The following ASPM variants were observed in gnomAD, a reference collection of about 807,000 sequenced individuals.
ASPM encodes abnormal spindle-like microcephaly-associated protein.
A neutral mutation model predicts 366.4 loss-of-function variants in ASPM; 256 were observed. The ratio of observed to expected loss-of-function variants is 0.70; its 90% CI spans 0.63 to 0.77. ASPM has a LOEUF of 0.77. Ranked by LOEUF, ASPM falls within the 30% of genes least tolerant of loss-of-function variation. The probability of loss-of-function intolerance (pLI) is 0.00; values close to 1 mark genes in which losing one functional copy is unlikely to be tolerated. For missense variants in ASPM, 4,146 were observed against 4,090.4 expected (o/e 1.01, Z -0.37); for synonymous variants, 1,414 against 1,342.9 (o/e 1.05, Z -1.16).
chr1:197,104,610 A>T lies in ASPM; in HGVS notation c.4641T>A (p.Ala1547=). 1 of 1,612,984 alleles carries T rather than the reference A, an allele frequency of 6.2e-7. No homozygotes were observed. Among genetic ancestry groups the T allele is most frequent in the Non-Finnish European group, 8.5e-7 (1 of 1,179,404 alleles). The change falls in exon 18 of 28, where the codon GCT becomes GCA. Residue 1547 remains alanine, a synonymous_variant. Transcript: ENST00000367409. ...AATTATGAGCTTTCAGTCTCCTAAA[A>T]GCAGCTTGTAATTGAATGGCTGCAG... The part of the protein sequence containing the change: ...KRAAAIQLQA[A]FRRLKAHNLC...
intron 17 of ASPM, among the ~76,000 whole-genome samples, chr1:197,113,272 C>G (rs1023733753): frequency 2.0e-5 from 3 of 152,224 alleles, no homozygotes; most frequent in Non-Finnish European, 4.4e-5. Flanking sequence ...TGCTCAATAC[C>G]TGGGTGACAG....
In ASPM at chr1:197,142,758, A is replaced by G; in HGVS notation, c.1494T>C (p.Thr498=). Residue 498 remains threonine, a synonymous_variant, in exon 3 of 28, where the codon ACT becomes ACC. Transcript: ENST00000367409. ...KRRPILSATV[T]KRKATCTREN... is the part of the protein sequence containing the mutation. ...CTCTGGTACAGGTGGCCTTCCTTTTAGTAACAGTGGCAGAAAGTATTGGAC... is the reference window on the plus strand; with the variant it reads ...CTCTGGTACAGGTGGCCTTCCTTTTGGTAACAGTGGCAGAAAGTATTGGAC... 1 of 1,613,864 alleles carries G rather than the reference A, an allele frequency of 6.2e-7. No individual in the cohort carries two copies. Among genetic ancestry groups the G allele is most frequent in the Non-Finnish European group, 8.5e-7 (1 of 1,179,796 alleles).
intron 7 of ASPM, among the ~76,000 whole-genome samples, chr1:197,130,558 A>C (rs1658226218): frequency 6.6e-6 from 1 of 152,214 alleles, no homozygotes; most frequent in Admixed American, 6.5e-5. Flanking sequence ...GCTTATTAAT[A>C]ATTTTTAAAG....
At chr1:197,124,770 A>G in intron 12 of ASPM, 100 bp downstream of exon 12, 1 of 961,460 alleles carries the variant, frequency 1.0e-6, no homozygotes, top group South Asian at 1.3e-5. Context: ...ACCTTATTAA[A>G]TGATGGTTGT....
At position 197,103,065 on chromosome 1, in the gene ASPM, T is replaced by G. The variant is rs1468856882; in HGVS notation, c.6186A>C (p.Lys2062Asn). Residue 2062 changes from lysine to asparagine, a missense_variant, in exon 18 of 28, where the codon AAA becomes AAC. This residue lies in a region of ASPM where 3,624 missense variants were observed against 3,591.7 expected (regional missense o/e 1.01). Transcript: ENST00000367409. ...TAGCTGAAGCTCTATAGGTTGCATA[T>G]TTCTTTTTGGTTTTGTAAGCTCTGT... ...SKYRAYKTKKKYATYRASAII... is the reference protein window; with the variant it reads ...SKYRAYKTKKNYATYRASAII... 6.2e-7 allele frequency: 1 copy of G among 1,612,546 alleles called. No homozygotes were observed. The highest frequency in any genetic ancestry group is 1.3e-5 in the African/African-American group (1 of 74,846).
At chr1:197,124,749 G>A (rs1234170910) in intron 12 of ASPM, 121 bp downstream of exon 12, 2 of 772,092 alleles carry the variant, frequency 2.6e-6, no homozygotes, top group East Asian at 2.6e-5. Context: ...ACAGTTACTG[G>A]GGCAAAATAA....
chr1:197,085,250 G>A (rs1013557619), intron 27 of ASPM, among the ~76,000 whole-genome samples: 1 of 151,886 alleles, frequency 6.6e-6, no homozygotes, highest in African/African-American at 2.4e-5. Context: ...TTTATTTTTT[G>A]CCAATAATTA....
intron 19 of ASPM, among the ~76,000 whole-genome samples, chr1:197,095,151 C>G (rs973747620): frequency 6.6e-6 from 1 of 151,700 alleles, no homozygotes; most frequent in Non-Finnish European, 1.5e-5. Flanking sequence ...TTATTGTTAA[C>G]TATAGTTGCC....
chr1:197,129,102 T>G (rs1658180646), intron 9 of ASPM, 85 bp downstream of exon 9: 1 of 1,491,330 alleles, frequency 6.7e-7, no homozygotes. Context: ...ACTAATTTTT[T>G]TTCTAAAGAG....
At position 197,139,829 on chromosome 1, in the gene ASPM, C is replaced by A; in HGVS notation, c.1964G>T (p.Arg655Met). 1 of 1,612,142 alleles carries A rather than the reference C, an allele frequency of 6.2e-7. No individual in the cohort carries two copies. Among genetic ancestry groups the A allele is most frequent in the Non-Finnish European group, 8.5e-7 (1 of 1,178,412 alleles). ...TGCCACAGCGATAATGGGTTTTGTC[C>A]TTTTGTTTGTTTTAGAAATTGGAGT... Reference protein sequence around the residue: ...FRTPISKTNKRTKPIIAVAQS... With the variant: ...FRTPISKTNKMTKPIIAVAQS... Residue 655 changes from arginine to methionine, a missense_variant, in exon 4 of 28, where the codon AGG becomes ATG. Transcript: ENST00000367409.
Position 197,100,534 on chromosome 1 carries a change from T to G in ASPM, c.8717A>C (p.Tyr2906Ser). The G allele has an allele frequency of 6.2e-7, 1 of 1,611,460 alleles. No individual in the cohort carries two copies. The highest frequency in any genetic ancestry group is 8.5e-7 in the Non-Finnish European group (1 of 1,178,418). Reference sequence around the variant, plus strand: ...GATAACACTGCTTCTGATCTGTAAATAGACTTGTCTTTGATGTTTTGCAGA... The same window carrying G: ...GATAACACTGCTTCTGATCTGTAAAGAGACTTGTCTTTGATGTTTTGCAGA... ...FLSAKHQRQV[Y>S]LQIRSSVIII... Residue 2906 changes from tyrosine to serine, a missense_variant, in exon 18 of 28, where the codon TAT (tyrosine) becomes TCT (serine). Physicochemically the swap from Tyr to Ser is moderately radical, Grantham distance 144 (BLOSUM62 -2). Coordinates refer to ENST00000367409, the MANE Select transcript of ASPM (RefSeq NM_018136.5).
intron 5 of ASPM, 57 bp downstream of exon 5, chr1:197,135,039 T>C (rs1363291955): frequency 5.9e-5 from 76 of 1,291,086 alleles, no homozygotes; most frequent in Non-Finnish European, 7.8e-5. Flanking sequence ...CAAACGATGT[T>C]AAAAATCTTT....
intron 3 of ASPM, among the ~76,000 whole-genome samples, chr1:197,141,819 C>A (rs867774818): frequency 8.6e-4 from 131 of 152,260 alleles, no homozygotes; most frequent in African/African-American, 2.9e-3. Context: ...ATAAATATAT[C>A]TAGAAAAATT....
chr1:197,124,792 T>C, intron 12 of ASPM, 78 bp downstream of exon 12: 1 of 1,192,654 alleles, frequency 8.4e-7, no homozygotes, highest in Non-Finnish European at 1.2e-6. Flanking sequence ...GTTGTTATTC[T>C]TTATTAGATT....
intron 18 of ASPM, among the ~76,000 whole-genome samples, chr1:197,096,600 T>C (rs908342746): frequency 1.3e-5 from 2 of 151,822 alleles, no homozygotes; most frequent in African/African-American, 4.8e-5. Flanking sequence ...GTGTTCAGCC[T>C]GCAGGAGAAT....
chr1:197,116,420 T>G (rs1657738496), intron 17 of ASPM, among the ~76,000 whole-genome samples: 1 of 152,176 alleles, frequency 6.6e-6, no homozygotes, highest in African/African-American at 2.4e-5. Flanking sequence ...TTTTGAGAAT[T>G]ACCAAACTAT....
At position 197,101,951 on chromosome 1, in the gene ASPM, T is replaced by C. The variant is rs768997704; in HGVS notation, c.7300A>G (p.Thr2434Ala). ...CGATATTTCCTCTGAACAAAAATAG[T>C]AGCTTTTTTGAGGGAAATGAATCTT... ...RRRFISLKKA[T>A]IFVQRKYRAT... Residue 2434 changes from threonine to alanine, a missense_variant, in exon 18 of 28, where the codon ACT becomes GCT. Thr to Ala is a moderately conservative substitution (Grantham distance 58). Around this residue, in one of 3 missense-constraint regions of ASPM, gnomAD observed 3,624 missense variants for 3,591.7 expected, o/e 1.01. Transcript: ENST00000367409. The C allele has an allele frequency of 1.7e-5, 27 of 1,612,642 alleles. No individual in the cohort carries two copies. The African/African-American group carries it at 2.7e-4, about 16-fold the overall frequency.
At chr1:197,095,930 T>A in intron 19 of ASPM, 68 bp downstream of exon 19, 1 of 1,338,386 alleles carries the variant, frequency 7.5e-7, no homozygotes, top group Non-Finnish European at 1.0e-6. Flanking sequence ...AGCAGTGTTA[T>A]TTTATGTAAA....
At chr1:197,135,542 T>C (rs1422936039) in intron 4 of ASPM, among the ~76,000 whole-genome samples, 2 of 151,954 alleles carry the variant, frequency 1.3e-5, no homozygotes, top group African/African-American at 4.8e-5. Flanking sequence ...CACAATTTTG[T>C]GGTACATGTG....
Sources: gnomAD v4.1 joint callset for allele counts (sites outside exome capture counted in the v4.1 genomes callset) on GRCh38, gnomAD v4.1.1 for gene constraint, gnomAD v4.1.1 regional missense constraint, MANE v1.5 for transcripts, NCBI Gene and HGNC (gene_info 2026-07-23, HGNC 2026-07-21) for gene names.